GDPD1: variants seen among roughly 807,000 people sequenced by gnomAD.
GDPD1 encodes lysophospholipase D GDPD1.
Under a neutral mutation model 45.1 loss-of-function variants are expected in GDPD1, and 28 were observed. The ratio of observed to expected loss-of-function variants is 0.62; its 90% CI spans 0.46 to 0.85. The LOEUF is 0.85. Ranked by LOEUF, GDPD1 falls within the 40% of genes least tolerant of loss-of-function variation. GDPD1 has a pLI of 0.00. For missense variants in GDPD1, 256 were observed against 364.8 expected (o/e 0.70, Z 2.43); for synonymous variants, 139 against 131.4 (o/e 1.06, Z -0.40).
chr17:59,228,903 A>G (rs2047067552), intron 1 of GDPD1, among the ~76,000 whole-genome samples: 2 of 151,298 alleles, frequency 1.3e-5, no homozygotes, highest in Admixed American at 6.6e-5. Context: ...AAATCAGTTT[A>G]GGTTCTGTTT....
chr17:59,260,528 C>T (rs936308297), intron 6 of GDPD1, among the ~76,000 whole-genome samples: 22 of 150,960 alleles, frequency 1.5e-4, no homozygotes, highest in African/African-American at 5.1e-4. Context: ...GGCAAGAGAC[C>T]GAGACTCTTC....
At chr17:59,230,980 G>A (rs915035468) in intron 1 of GDPD1, among the ~76,000 whole-genome samples, 1 of 152,190 alleles carries the variant, frequency 6.6e-6, no homozygotes, top group Admixed American at 6.5e-5. Context: ...AACTTGCTGT[G>A]GTAGGCAAAA....
chr17:59,263,994 A>T (rs548685899), intron 6 of GDPD1, among the ~76,000 whole-genome samples: 197 of 151,774 alleles, frequency 1.3e-3, no homozygotes, highest in Middle Eastern at 6.8e-3. Flanking sequence ...TTTTTAATTT[A>T]ATTTTATTTT....
chr17:59,231,312 TTTTC>T (rs1407694934), intron 1 of GDPD1, among the ~76,000 whole-genome samples: 8 of 148,584 alleles, frequency 5.4e-5, no homozygotes, highest in African/African-American at 1.0e-4. Flanking sequence ...TATGAAAACA[TTTTC>T]TTTCTTTCTT....
intron 4 of GDPD1, among the ~76,000 whole-genome samples, chr17:59,251,991 CAAAAAAAA>C (rs34224346): frequency 1.6e-5 from 1 of 60,922 alleles, no homozygotes; most frequent in African/African-American, 6.1e-5. Context: ...GACTCAGTCT[CAAAAAAAA>C]AAAAAAAAAA....
chr17:59,233,688 A>AT (rs1188718919), intron 1 of GDPD1, among the ~76,000 whole-genome samples: 3 of 151,894 alleles, frequency 2.0e-5, no homozygotes. Flanking sequence ...GGTATTTCGT[A>AT]TTTTTTACTG....
intron 7 of GDPD1, among the ~76,000 whole-genome samples, chr17:59,267,871 T>C (rs912455895): frequency 2.6e-5 from 4 of 152,156 alleles, no homozygotes; most frequent in Non-Finnish European, 4.4e-5. Context: ...GGCTTCACCA[T>C]GTTGGTCAGG....
rs556370157 is a variant in GDPD1 at position 59,263,547 on chromosome 17, C to T, written c.577-3494C>T. Among the ~76,000 whole-genome samples, 9 of 123,374 alleles carry T rather than the reference C, an allele frequency of 7.3e-5. No homozygotes were observed. In the South Asian group the frequency reaches 2.1e-3, roughly 28 times the overall value. 80.9% of individuals were successfully genotyped at this position (123,374 alleles called of 152,430 possible). A position where few individuals can be genotyped will look rare whatever the true frequency, so the allele number is the denominator to read the frequency against. ...AGGCTGGAGTGCAATGGCGCAATCT[C>T]GGCTCACCACAACCTCCACCTCCCG... is the stretch of plus-strand genomic sequence containing the variant. On this transcript the variant is annotated intron_variant, in intron 6 of 9. Coordinates refer to ENST00000284116, the MANE Select transcript of GDPD1 (RefSeq NM_182569.4).
chr17:59,226,827 A>G (rs970914917), intron 1 of GDPD1, among the ~76,000 whole-genome samples: 8 of 150,704 alleles, frequency 5.3e-5, no homozygotes, highest in African/African-American at 1.9e-4. Flanking sequence ...GGCATCTGCC[A>G]CCATACCCAG....
chr17:59,232,867 C>G (rs1386003201), intron 1 of GDPD1, among the ~76,000 whole-genome samples: 1 of 149,368 alleles, frequency 6.7e-6, no homozygotes, highest in African/African-American at 2.5e-5. Flanking sequence ...TCAACTACTT[C>G]TGATGTTTCT....
At chr17:59,245,297 A>G in intron 2 of GDPD1, 117 bp from the exon 3 acceptor site, 1 of 690,466 alleles carries the variant, frequency 1.4e-6, no homozygotes, top group South Asian at 1.9e-5. Flanking sequence ...GATGGTATTA[A>G]GGAGATATTT....
chr17:59,225,061 T>G (rs1481298234), intron 1 of GDPD1, among the ~76,000 whole-genome samples: 1 of 151,786 alleles, frequency 6.6e-6, no homozygotes, highest in Non-Finnish European at 1.5e-5. Flanking sequence ...TATTTTAACA[T>G]ATAATGTGTT....
chr17:59,254,360 CA>C (rs1198335465), intron 4 of GDPD1, among the ~76,000 whole-genome samples: 820 of 62,158 alleles, frequency 0.013, no homozygotes, highest in African/African-American at 0.035. Context: ...GACTCCGTCT[CA>C]AAAAAAAAAA....
intron 2 of GDPD1, among the ~76,000 whole-genome samples, chr17:59,243,512 C>CAA (rs780707265): frequency 1.7e-5 from 2 of 115,294 alleles, no homozygotes; most frequent in Non-Finnish European, 3.8e-5. Flanking sequence ...ACCCCCCAAC[C>CAA]AAAAAAAAAA....
At chr17:59,268,501 C>T (rs965235893) in intron 7 of GDPD1, among the ~76,000 whole-genome samples, 2 of 140,248 alleles carry the variant, frequency 1.4e-5, no homozygotes, top group African/African-American at 5.5e-5. Context: ...ATGGCGTGAG[C>T]CTGGGAGGCA....
chr17:59,263,016 G>A (rs769907837), intron 6 of GDPD1, among the ~76,000 whole-genome samples: 2 of 151,994 alleles, frequency 1.3e-5, no homozygotes, highest in Non-Finnish European at 2.9e-5. Flanking sequence ...AAATGAATGC[G>A]GTGTTTAAAA....
intron 4 of GDPD1, among the ~76,000 whole-genome samples, chr17:59,254,930 C>A (rs2047284929): frequency 6.6e-6 from 1 of 152,148 alleles, no homozygotes; most frequent in African/African-American, 2.4e-5. Flanking sequence ...ACAGGTTAGA[C>A]TGGTCATATA....
rs1431180595 is a variant in GDPD1, at chr17:59,274,967, G to A, written c.*1194G>A. ...AGCAATTCTCCTGCCTCTGCCTCCC[G>A]AGTACCTGGGATTACAGGTGCCTGC... On this transcript the variant is annotated 3_prime_UTR_variant, in exon 10 of 10. Coordinates refer to ENST00000284116, the MANE Select transcript of GDPD1 (RefSeq NM_182569.4). Among the ~76,000 whole-genome samples, 1 of 150,794 alleles carries A rather than the reference G, an allele frequency of 6.6e-6. No individual in the cohort carries two copies. Among genetic ancestry groups the A allele is most frequent in the Admixed American group, 6.6e-5 (1 of 15,102 alleles).
chr17:59,255,784 T>TATATATATATATATATAC (rs1215280964), intron 4 of GDPD1, among the ~76,000 whole-genome samples: 26 of 58,070 alleles, frequency 4.5e-4, no homozygotes, highest in South Asian at 6.4e-4. Context: ...TATATATATA[T>TATATATATATATATATAC]ACGCGTATAT....
Sources: allele counts gnomAD v4.1 joint callset (sites outside exome capture counted in the v4.1 genomes callset), GRCh38; gene constraint gnomAD v4.1.1; transcripts MANE v1.5; gene names NCBI Gene and HGNC (gene_info 2026-07-23, HGNC 2026-07-21).